The following MGRN1 variants were observed in gnomAD, a reference collection of about 807,000 sequenced individuals.
The protein encoded by MGRN1 is mahogunin ring finger 1.
Under a neutral mutation model 69.2 loss-of-function variants are expected in MGRN1, and 29 were observed. The ratio of observed to expected loss-of-function variants is 0.42; its 90% CI spans 0.31 to 0.57. MGRN1 has a LOEUF of 0.57. Among genes scored for constraint, MGRN1 ranks in the 20% least tolerant of loss-of-function variants. The pLI, the probability that MGRN1 is intolerant of heterozygous loss-of-function variation, is 0.15. For synonymous variants in MGRN1, 470 were observed against 344.2 expected, an observed-to-expected ratio of 1.37 and a Z score of -4.04; for missense variants, 998 against 796.2, an observed-to-expected ratio of 1.25 and a Z score of -3.05.
intron 1 of MGRN1, among the ~76,000 whole-genome samples, chr16:4,630,277 G>A (rs543285146): frequency 6.6e-6 from 1 of 150,466 alleles, no homozygotes; most frequent in Admixed American, 6.6e-5. Context: ...GCTGGAACCC[G>A]GAGCGCGGCA....
chr16:4,684,380 G>A lies in MGRN1; in HGVS notation c.1618+448G>A, dbSNP rs1295307336. On this transcript the variant is annotated intron_variant, in intron 16 of 16. Coordinates refer to ENST00000262370, the MANE Select transcript of MGRN1 (RefSeq NM_015246.4). ...GGGTGCCACGTGCGCTCCTGGCAGT[G>A]CCTGAGAGCTGCAGACAGAGCAGGA... Among the ~76,000 whole-genome samples, 7 of 152,262 alleles carry A rather than the reference G, an allele frequency of 4.6e-5. No homozygotes were observed. The East Asian group carries it at 1.3e-3, about 29-fold the overall frequency.
intron 12 of MGRN1, among the ~76,000 whole-genome samples, chr16:4,680,914 G>A (rs1373947383): frequency 1.3e-5 from 2 of 152,210 alleles, no homozygotes; most frequent in Admixed American, 6.5e-5. Flanking sequence ...ACTGACGAGC[G>A]TTGTGCCCCT....
intron 1 of MGRN1, among the ~76,000 whole-genome samples, chr16:4,640,832 G>C (rs1394149123): frequency 6.6e-6 from 1 of 152,240 alleles, no homozygotes; most frequent in African/African-American, 2.4e-5. Context: ...GCCCAGCACA[G>C]AGACTGAGAA....
Position 4,657,298 on chromosome 16 carries a change from G to C in MGRN1, c.496G>C (p.Gly166Arg), listed in dbSNP as rs754852925. ...GTCCGAGACCGTCCACTACAAGAGA[G>C]GGGTGAGCCAGCAGTTCTCCCTGCC... ...LQSETVHYKR[G>R]VSQQFSLPSF... Residue 166 changes from glycine (G) to arginine (R), a missense_variant, in exon 5 of 17, where the codon GGG becomes CGG. Gly to Arg is a moderately radical substitution (Grantham distance 125, BLOSUM62 -2). Coordinates refer to ENST00000262370, the MANE Select transcript of MGRN1 (RefSeq NM_015246.4). The C allele has an allele frequency of 1.2e-6, 2 of 1,614,074 alleles. No homozygotes were observed. Among genetic ancestry groups the C allele is most frequent in the African/African-American group, 2.7e-5 (2 of 74,950 alleles).
rs750127009 is a variant in MGRN1, at chr16:4,625,061, C to A, written c.88+13C>A. On this transcript the variant is annotated intron_variant, in intron 1 of 16. Coordinates refer to ENST00000262370, the MANE Select transcript of MGRN1 (RefSeq NM_015246.4). Reference sequence around the variant, plus strand: ...CCTCCGAAGTCCGGTGAGCGCCCGGCCCCAGGCGCGGACTGCTAGGCACGC... The same window carrying A: ...CCTCCGAAGTCCGGTGAGCGCCCGGACCCAGGCGCGGACTGCTAGGCACGC... 3 of 1,533,056 alleles carry A rather than the reference C, an allele frequency of 2.0e-6. No homozygotes were observed. The highest frequency in any genetic ancestry group is 2.6e-6 in the Non-Finnish European group (3 of 1,142,554). The allele number at this position is 1,533,056 out of a possible 1,614,324, so 95.0% of individuals were successfully genotyped here. A position where few individuals can be genotyped will look rare whatever the true frequency, so the allele number is the denominator to read the frequency against.
chr16:4,655,628 A>G (rs1325709868), intron 4 of MGRN1, among the ~76,000 whole-genome samples: 3 of 152,026 alleles, frequency 2.0e-5, no homozygotes, highest in East Asian at 3.9e-4. Flanking sequence ...CAGGCATCAC[A>G]GAGCAGGAAC....
intron 5 of MGRN1, 148 bp from the exon 6 acceptor site, chr16:4,664,561 G>A (rs1188128892): frequency 1.3e-5 from 10 of 749,462 alleles, no homozygotes; most frequent in East Asian, 5.0e-5. Context: ...CCTGGCATCC[G>A]CCTTCCCTGC....
intron 8 of MGRN1, among the ~76,000 whole-genome samples, chr16:4,669,458 C>G (rs57385693): frequency 0.46 from 64,306 of 141,030 alleles, 15,275 homozygotes; most frequent in East Asian, 0.64. Context: ...AGCTGTGCAA[C>G]AGCCTGTTGA....
chr16:4,684,304 C>A (rs1053971789), intron 16 of MGRN1, among the ~76,000 whole-genome samples: 12 of 152,372 alleles, frequency 7.9e-5, no homozygotes, highest in Admixed American at 7.2e-4. Flanking sequence ...ACTGGGATCA[C>A]CACATGTTCC....
At chr16:4,687,607 ACG>A in intron 16 of MGRN1, 1 of 984,410 alleles carries the variant, frequency 1.0e-6, no homozygotes, top group South Asian at 4.7e-5. Context: ...ACACACACAC[ACG>A]GGGGAGAGAG....
chr16:4,645,341 GA>G (rs1455719219), intron 1 of MGRN1, among the ~76,000 whole-genome samples: 2 of 152,202 alleles, frequency 1.3e-5, no homozygotes, highest in East Asian at 3.9e-4. Flanking sequence ...TAATTTTTAA[GA>G]ATTTTTTGTA....
chr16:4,683,752 C>T, intron 15 of MGRN1, 91 bp from the exon 16 acceptor site: 1 of 1,138,080 alleles, frequency 8.8e-7, no homozygotes, highest in Non-Finnish European at 1.3e-6. Context: ...GCTACAGAGC[C>T]CTTGGGTAAG....
intron 13 of MGRN1, 64 bp from the exon 14 acceptor site, chr16:4,682,759 T>C: frequency 6.9e-7 from 1 of 1,443,474 alleles, no homozygotes; most frequent in Non-Finnish European, 9.2e-7. Flanking sequence ...TGCATGGCTT[T>C]GGCAGGGTTA....
At chr16:4,688,594 A>G in intron 16 of MGRN1, 1 of 1,340,496 alleles carries the variant, frequency 7.5e-7, no homozygotes, top group Non-Finnish European at 9.6e-7. Context: ...CTGTCCCAAG[A>G]GGGACACAGC....
intron 9 of MGRN1, among the ~76,000 whole-genome samples, chr16:4,671,739 G>C (rs560807525): frequency 6.6e-6 from 1 of 152,252 alleles, no homozygotes; most frequent in East Asian, 1.9e-4. Flanking sequence ...GCTCAGGTGT[G>C]TGGCACCCTG....
chr16:4,652,165 G>T, intron 3 of MGRN1, 114 bp downstream of exon 3: 3 of 951,100 alleles, frequency 3.2e-6, no homozygotes, highest in Non-Finnish European at 3.2e-6. Context: ...CAGTTTCTGC[G>T]CCCTCCCGTG....
chr16:4,680,493 T>C (rs1415081269), intron 12 of MGRN1: 1 of 194,978 alleles, frequency 5.1e-6, no homozygotes, highest in African/African-American at 2.4e-5. Context: ...TTCGAGCTCC[T>C]TGGGCTGAGC....
At chr16:4,676,227 G>A (rs565829346) in intron 10 of MGRN1, among the ~76,000 whole-genome samples, 49 of 152,336 alleles carry the variant, frequency 3.2e-4, no homozygotes, top group African/African-American at 9.1e-4. Context: ...AGGGAGGGCC[G>A]GCCCAGGCTG....
chr16:4,627,897 C>G (rs1024514311), intron 1 of MGRN1, among the ~76,000 whole-genome samples: 60 of 138,164 alleles, frequency 4.3e-4, no homozygotes, highest in Middle Eastern at 4.9e-3. Context: ...TGGCTAACAC[C>G]GTGAAACCCC....
Sources: gnomAD v4.1 joint callset for allele counts (sites outside exome capture counted in the v4.1 genomes callset) on GRCh38, gnomAD v4.1.1 for gene constraint, MANE v1.5 for transcripts, NCBI Gene and HGNC (gene_info 2026-07-23, HGNC 2026-07-21) for gene names.